CAMKK1: variants seen among roughly 807,000 people sequenced by gnomAD.
The protein encoded by CAMKK1 is calcium/calmodulin-dependent protein kinase kinase 1.
Under a neutral mutation model 63.5 loss-of-function variants are expected in CAMKK1, and 20 were observed. That is an observed-to-expected ratio of 0.32 (90% CI 0.22 to 0.46). CAMKK1 has a LOEUF of 0.46. CAMKK1 is among the 20% of genes least tolerant of loss of function. The pLI, the probability that CAMKK1 is intolerant of heterozygous loss-of-function variation, is 1.00. For synonymous variants in CAMKK1, 253 were observed against 269.0 expected (o/e 0.94, Z 0.58); for missense variants, 588 against 658.1 (o/e 0.89, Z 1.17).
chr17:3,866,961 T>G (rs1327682104), intron 14 of CAMKK1, among the ~76,000 whole-genome samples: 4 of 152,162 alleles, frequency 2.6e-5, no homozygotes, highest in African/African-American at 4.8e-5. Flanking sequence ...CCTCAAGTGA[T>G]CCTCCCGCCT....
chr17:3,863,657 C>T (rs1450833295), intron 15 of CAMKK1, among the ~76,000 whole-genome samples: 1 of 151,950 alleles, frequency 6.6e-6, no homozygotes, highest in Non-Finnish European at 1.5e-5. Context: ...GGGCAAATGG[C>T]TTGAGGCCAG....
intron 12 of CAMKK1, among the ~76,000 whole-genome samples, chr17:3,871,150 G>A (rs567281813): frequency 6.6e-6 from 1 of 152,056 alleles, no homozygotes; most frequent in African/African-American, 2.4e-5. Flanking sequence ...AAGGTGGCTA[G>A]ATAAGTCTGG....
chr17:3,865,400 T>C (rs2054479433), intron 15 of CAMKK1: 1 of 991,074 alleles, frequency 1.0e-6, no homozygotes, highest in Non-Finnish European at 1.2e-6. Flanking sequence ...GCCCCAGCAA[T>C]GGCTGCAGGC....
At chr17:3,885,268 G>A (rs2055593527) in intron 2 of CAMKK1, 60 bp downstream of exon 2, 2 of 1,480,756 alleles carry the variant, frequency 1.4e-6, no homozygotes, top group African/African-American at 1.4e-5. Context: ...GGGCAGGAAA[G>A]AGTCTTCATT....
Position 3,893,043 on chromosome 17 carries a change from G to T in CAMKK1, c.-148C>A, listed in dbSNP as rs2055962958. ...CGCCCCACCGCCTCGCTGGGGCCCA[G>T]ATCGCCGAGCTCAGCCCGCGGGCGC... is the stretch of plus-strand genomic sequence containing the variant. On this transcript the variant is annotated 5_prime_UTR_variant, in exon 1 of 16. It adds an upstream start codon to the 5' untranslated region. Coordinates refer to ENST00000348335, the MANE Select transcript of CAMKK1 (RefSeq NM_032294.3). This position sits in a 1 kb window ranked among gnomAD's most constrained non-coding sequence, Gnocchi z 4.6. 7.0e-6 allele frequency: 1 copy of T among 141,994 alleles called. No individual in the cohort carries two copies. Among genetic ancestry groups the T allele is most frequent in the South Asian group, 2.2e-4 (1 of 4,508 alleles). The allele number at this position is 141,994 out of a possible 1,614,324, so 8.8% of individuals were successfully genotyped here. A position where few individuals can be genotyped will look rare whatever the true frequency, so the allele number is the denominator to read the frequency against.
rs1285671110 is a variant in CAMKK1 at position 3,869,872 on chromosome 17, C to T, written c.1141G>A (p.Glu381Lys). 2 of 1,614,112 alleles carry T rather than the reference C, an allele frequency of 1.2e-6. No individual in the cohort carries two copies. The highest frequency in any genetic ancestry group is 1.7e-6 in the Non-Finnish European group (2 of 1,180,028). Residue 381 changes from glutamate (E) to lysine (K), a missense_variant, in exon 13 of 16, where the codon GAG (glutamate) becomes AAG (lysine). Glu to Lys is a moderately conservative substitution (Grantham distance 56). Around this residue, in one of 3 missense-constraint regions of CAMKK1, gnomAD observed 226 missense variants for 229.2 expected, o/e 0.99. Coordinates refer to ENST00000348335, the MANE Select transcript of CAMKK1 (RefSeq NM_032294.3). Reference protein sequence around the residue: ...VFPEEPEISEELKDLILKMLD... With the variant: ...VFPEEPEISEKLKDLILKMLD... Reference sequence around the variant, plus strand: ...ATCTTCAGGATCAGGTCCTTGAGCTCCTCGCTGATTTCTGGCCTGGAGAGG... The same window carrying T: ...ATCTTCAGGATCAGGTCCTTGAGCTTCTCGCTGATTTCTGGCCTGGAGAGG...
chr17:3,870,973 C>T (rs920143192), intron 12 of CAMKK1, among the ~76,000 whole-genome samples: 2 of 152,126 alleles, frequency 1.3e-5, no homozygotes, highest in Non-Finnish European at 2.9e-5. Context: ...GAGCGGGTGG[C>T]AGAACCCGGA....
Position 3,892,649 on chromosome 17 carries a change from C to G in CAMKK1, c.-44+290G>C, listed in dbSNP as rs2055945724. On this transcript the variant is annotated intron_variant, in intron 1 of 15. Transcript: ENST00000348335. This position sits in a 1 kb window ranked among gnomAD's most constrained non-coding sequence, Gnocchi z 7.5. ...GGAGCCGGGCGCGGGGGACAGTGCACCGGGGATGGATGCGGTCCGCAGACA... is the reference window on the plus strand; with the variant it reads ...GGAGCCGGGCGCGGGGGACAGTGCAGCGGGGATGGATGCGGTCCGCAGACA... Among the ~76,000 whole-genome samples the G allele has an allele frequency of 6.6e-6, 1 of 152,312 alleles. No individual in the cohort carries two copies. Among genetic ancestry groups the G allele is most frequent in the South Asian group, 2.1e-4 (1 of 4,826 alleles).
chr17:3,886,149 A>G (rs2055642411), intron 1 of CAMKK1, among the ~76,000 whole-genome samples: 1 of 152,168 alleles, frequency 6.6e-6, no homozygotes, highest in African/African-American at 2.4e-5. Context: ...GCACTCCGAC[A>G]CTGCCTCCTG....
In CAMKK1 at chr17:3,882,528, C is replaced by A; in HGVS notation, c.685G>T (p.Val229Leu). ...DDPAEDNLYL[V>L]FDLLRKGPVM... ...TGTGGGAATGAGCCAGGTCACTCACCCAAATAGAGGTTGTCCTCAGCTGGG... is the reference window on the plus strand; with the variant it reads ...TGTGGGAATGAGCCAGGTCACTCACACAAATAGAGGTTGTCCTCAGCTGGG... The change falls in exon 7 of 16, where the codon GTG becomes TTG. Residue 229 changes from valine to leucine, a missense_variant and splice_region_variant. Physicochemically the swap from Val to Leu is conservative, Grantham distance 32 (BLOSUM62 1). This residue lies in a region of CAMKK1 where 357 missense variants were observed against 407.4 expected (regional missense o/e 0.88). Coordinates refer to ENST00000348335, the MANE Select transcript of CAMKK1 (RefSeq NM_032294.3). This position sits in a 1 kb window ranked among gnomAD's most constrained non-coding sequence, Gnocchi z 4.3. The A allele has an allele frequency of 6.3e-7, 1 of 1,595,248 alleles. No individual in the cohort carries two copies. Among genetic ancestry groups the A allele is most frequent in the South Asian group, 1.1e-5 (1 of 88,656 alleles).
At chr17:3,880,979 C>A (rs763558750) in intron 8 of CAMKK1, among the ~76,000 whole-genome samples, 2 of 152,244 alleles carry the variant, frequency 1.3e-5, no homozygotes, top group Non-Finnish European at 2.9e-5. Context: ...CTGCCCCTCT[C>A]CCCAGATTGG....
rs1340626123 is a variant in CAMKK1, at chr17:3,887,834, C to T, written c.-43-2104G>A. Among the ~76,000 whole-genome samples the T allele has an allele frequency of 6.6e-6, 1 of 152,108 alleles. No individual in the cohort carries two copies. Among genetic ancestry groups the T allele is most frequent in the African/African-American group, 2.4e-5 (1 of 41,400 alleles). On this transcript the variant is annotated intron_variant, in intron 1 of 15. Transcript: ENST00000348335. The surrounding 1 kb of genome is among the most constrained non-coding windows in gnomAD (Gnocchi z 6.1). ...AAAGCTGGGAACACCCTCCAGGACC[C>T]GCCAGGCTCCTCCCAGCAGGTGGCC...
Position 3,872,544 on chromosome 17 carries a change from G to T in CAMKK1, c.1124+10C>A. 6.2e-7 allele frequency: 1 copy of T among 1,611,648 alleles called. No homozygotes were observed. Among genetic ancestry groups the T allele is most frequent in the Non-Finnish European group, 8.5e-7 (1 of 1,177,732 alleles). Reference sequence around the variant, plus strand: ...GGTAGCCCCCTTGTTCCCCTGGGTGGACAACTCACTCCTCAGGAAACACCA... The same window carrying T: ...GGTAGCCCCCTTGTTCCCCTGGGTGTACAACTCACTCCTCAGGAAACACCA... On this transcript the variant is annotated intron_variant, in intron 12 of 15. Transcript: ENST00000348335.
chr17:3,869,937 C>T, intron 12 of CAMKK1, 49 bp from the exon 13 acceptor site: 1 of 1,433,844 alleles, frequency 7.0e-7, no homozygotes, highest in Non-Finnish European at 9.8e-7. Context: ...TGATGAGGAC[C>T]CCTTCCTGTC....
At position 3,882,324 on chromosome 17, in the gene CAMKK1, G is replaced by A. The variant is rs74582253; in HGVS notation, c.685+204C>T. On this transcript the variant is annotated intron_variant, in intron 7 of 15. Transcript: ENST00000348335. This position sits in a 1 kb window ranked among gnomAD's most constrained non-coding sequence, Gnocchi z 4.3. Reference sequence around the variant, plus strand: ...AGGGAAGCAGGGAGTGGGGCTTGGCGATATTTGTTGAATCTAACTGGATAT... The same window carrying A: ...AGGGAAGCAGGGAGTGGGGCTTGGCAATATTTGTTGAATCTAACTGGATAT... 24,246 of 1,613,986 alleles carry A rather than the reference G, an allele frequency of 0.015. 255 individuals carry two copies. The highest frequency in any genetic ancestry group is 0.049 in the African/African-American group (3,683 of 74,986).
Position 3,889,600 on chromosome 17 carries a change from G to A in CAMKK1, c.-44+3339C>T, listed in dbSNP as rs748314605. On this transcript the variant is annotated intron_variant, in intron 1 of 15. Coordinates refer to ENST00000348335, the MANE Select transcript of CAMKK1 (RefSeq NM_032294.3). The surrounding 1 kb of genome is among the most constrained non-coding windows in gnomAD (Gnocchi z 5.2). ...TGAGGTGTGGACACAGGAGTAGTTT[G>A]TGCCACAGCACTGTGGGGCTGGGAT... Among the ~76,000 whole-genome samples, 4 of 152,126 alleles carry A rather than the reference G, an allele frequency of 2.6e-5. No individual in the cohort carries two copies. Among genetic ancestry groups the A allele is most frequent in the Non-Finnish European group, 5.9e-5 (4 of 68,014 alleles).
intron 12 of CAMKK1, among the ~76,000 whole-genome samples, chr17:3,870,609 C>T (rs1489053926): frequency 6.6e-6 from 1 of 152,146 alleles, no homozygotes; most frequent in Admixed American, 6.5e-5. Flanking sequence ...TCATGATCCG[C>T]CTGCCTTGGC....
chr17:3,890,366 C>T lies in CAMKK1; in HGVS notation c.-44+2573G>A, dbSNP rs543339142. Among the ~76,000 whole-genome samples the T allele has an allele frequency of 1.6e-3, 240 of 152,276 alleles. 1 individual carries two copies. Among genetic ancestry groups the T allele is most frequent in the African/African-American group, 5.1e-3 (210 of 41,558 alleles). On this transcript the variant is annotated intron_variant, in intron 1 of 15. Transcript: ENST00000348335. The surrounding 1 kb of genome is among the most constrained non-coding windows in gnomAD (Gnocchi z 6.5). Reference sequence around the variant, plus strand: ...CTCAGCACAGCTACCCCCAGCGCATCGTCCTGGCCCACCCACGGAGGCTGA... The same window carrying T: ...CTCAGCACAGCTACCCCCAGCGCATTGTCCTGGCCCACCCACGGAGGCTGA...
At chr17:3,869,450 C>T (rs1258474223) in intron 14 of CAMKK1, 37 bp downstream of exon 14, 3 of 1,613,152 alleles carry the variant, frequency 1.9e-6, no homozygotes, top group Admixed American at 1.7e-5. Context: ...CCCCCAGGCC[C>T]TCCAGGACAA....
Sources: allele counts gnomAD v4.1 joint callset (sites outside exome capture counted in the v4.1 genomes callset), GRCh38; gene constraint gnomAD v4.1.1; regional missense constraint gnomAD v4.1.1; non-coding constraint Gnocchi (gnomAD v3.1); transcripts MANE v1.5; gene names NCBI Gene and HGNC (gene_info 2026-07-23, HGNC 2026-07-21).